The following VAV2 variants were observed in gnomAD, a reference collection of about 807,000 sequenced individuals.
VAV2 encodes guanine nucleotide exchange factor VAV2.
A neutral mutation model predicts 132.5 loss-of-function variants in VAV2; 67 were observed. The observed-to-expected ratio is 0.51, with a 90% CI of 0.42 to 0.62. The LOEUF (loss-of-function observed/expected upper bound fraction) is 0.62, where lower values mean the gene tolerates loss of function less well. VAV2 is among the 20% of genes least tolerant of loss of function. VAV2 has a pLI of 0.00. For missense variants in VAV2, 938 were observed against 1,153.6 expected (o/e 0.81, Z 2.71); for synonymous variants, 492 against 443.5 (o/e 1.11, Z -1.37).
chr9:133,890,813 C>T (rs780532083), intron 2 of VAV2, among the ~76,000 whole-genome samples: 7 of 152,086 alleles, frequency 4.6e-5, no homozygotes, highest in African/African-American at 7.2e-5. Flanking sequence ...ACGCTGGTGA[C>T]GGCAGAGTGA....
intron 18 of VAV2, among the ~76,000 whole-genome samples, chr9:133,783,876 C>CCTTT (rs1564342140): frequency 8.0e-6 from 1 of 124,974 alleles, no homozygotes; most frequent in African/African-American, 3.1e-5. Context: ...TTGGCTGGGC[C>CCTTT]GTTTTTTTTT....
chr9:133,901,658 C>G (rs1010293324), intron 2 of VAV2, among the ~76,000 whole-genome samples: 2 of 152,236 alleles, frequency 1.3e-5, no homozygotes, highest in Non-Finnish European at 1.5e-5. Context: ...GGGGCTCCTG[C>G]CGGCCCGGCC....
chr9:133,845,661 G>A (rs905684141), intron 3 of VAV2, among the ~76,000 whole-genome samples: 1 of 152,216 alleles, frequency 6.6e-6, no homozygotes. Flanking sequence ...CTGTGACAGG[G>A]ACAGCAACCC....
intron 1 of VAV2, among the ~76,000 whole-genome samples, chr9:133,946,276 T>G (rs1331078285): frequency 1.3e-5 from 2 of 152,228 alleles, no homozygotes; most frequent in African/African-American, 4.8e-5. Flanking sequence ...TTCTGGGGCC[T>G]GGCCTCAGGC....
intron 2 of VAV2, among the ~76,000 whole-genome samples, chr9:133,924,969 G>A (rs190490969): frequency 1.0e-3 from 157 of 152,338 alleles, no homozygotes; most frequent in Non-Finnish European, 1.8e-3. Flanking sequence ...CGACGCTAAA[G>A]GCCACATATT....
Position 133,769,290 on chromosome 9 carries a change from G to A in VAV2, c.2434+127C>T. On this transcript the variant is annotated intron_variant, in intron 28 of 29. Transcript: ENST00000371850. The surrounding 1 kb of genome is among the most constrained non-coding windows in gnomAD (Gnocchi z 8.1). ...CCAGCCCCTTTCTCCCCTCCACCCA[G>A]TGCCAGACTGCGGACAACTGTGGCC... 1 of 1,033,530 alleles carries A rather than the reference G, an allele frequency of 9.7e-7. No individual in the cohort carries two copies. Among genetic ancestry groups the A allele is most frequent in the Non-Finnish European group, 1.4e-6 (1 of 718,726 alleles). The allele number at this position is 1,033,530 out of a possible 1,614,324, so 64.0% of individuals were successfully genotyped here. A position where few individuals can be genotyped will look rare whatever the true frequency, so the allele number is the denominator to read the frequency against.
rs1195719340 is a variant in VAV2 at position 133,840,914 on chromosome 9, G to A, written c.381-6574C>T. Among the ~76,000 whole-genome samples, 12 of 152,158 alleles carry A rather than the reference G, an allele frequency of 7.9e-5. No individual in the cohort carries two copies. Among genetic ancestry groups the A allele is most frequent in the African/African-American group, 7.2e-5 (3 of 41,444 alleles). ...GAGGGAGGGGCACATTGGACGCGCA[G>A]GGGTCTCCAAGCTGAGGGTAGCAAG... On this transcript the variant is annotated intron_variant, in intron 3 of 29. Coordinates refer to ENST00000371850, the MANE Select transcript of VAV2 (RefSeq NM_001134398.2). The surrounding 1 kb of genome is among the most constrained non-coding windows in gnomAD (Gnocchi z 4.5).
At chr9:133,814,026 A>G (rs7031085) in intron 4 of VAV2, among the ~76,000 whole-genome samples, 5,666 of 149,000 alleles carry the variant, frequency 0.038, 362 homozygotes, top group African/African-American at 0.13. Flanking sequence ...GCCCTCCACC[A>G]TGAGAGGTCC....
intron 1 of VAV2, among the ~76,000 whole-genome samples, chr9:133,943,672 AG>A (rs1248002637): frequency 1.3e-5 from 2 of 152,144 alleles, no homozygotes; most frequent in African/African-American, 4.8e-5. Context: ...GTGTTTGTTT[AG>A]GGCACTCTGA....
chr9:133,784,748 T>C (rs1370035322), intron 17 of VAV2, among the ~76,000 whole-genome samples: 1 of 152,102 alleles, frequency 6.6e-6, no homozygotes, highest in African/African-American at 2.4e-5. Flanking sequence ...ATACTTAAGA[T>C]TTGTTTGCCT....
chr9:133,861,896 G>A (rs1837610828), intron 2 of VAV2, among the ~76,000 whole-genome samples: 1 of 152,334 alleles, frequency 6.6e-6, no homozygotes, highest in East Asian at 1.9e-4. Context: ...CCTGCCCAAA[G>A]TCACCCAGCA....
At chr9:133,852,041 TGGATGTATGG>T (rs1837207531) in intron 3 of VAV2, among the ~76,000 whole-genome samples, 1 of 151,724 alleles carries the variant, frequency 6.6e-6, no homozygotes, top group African/African-American at 2.4e-5. Flanking sequence ...TATGGATGGA[TGGATGTATGG>T]ATGGATGGAT....
intron 1 of VAV2, among the ~76,000 whole-genome samples, chr9:133,990,186 A>G (rs1842971460): frequency 6.6e-6 from 1 of 151,790 alleles, no homozygotes; most frequent in Non-Finnish European, 1.5e-5. Flanking sequence ...TGGTCCTCCT[A>G]CCATCCAGGC....
At chr9:133,841,510 A>T (rs1243937743) in intron 3 of VAV2, among the ~76,000 whole-genome samples, 1 of 152,088 alleles carries the variant, frequency 6.6e-6, no homozygotes. Flanking sequence ...TAAAGAGTGA[A>T]TCCACCCAGC....
chr9:133,950,913 A>G (rs911838903), intron 1 of VAV2, among the ~76,000 whole-genome samples: 1 of 152,174 alleles, frequency 6.6e-6, no homozygotes, highest in South Asian at 2.1e-4. Context: ...CAATTGGACA[A>G]TCCAACTCCA....
intron 2 of VAV2, among the ~76,000 whole-genome samples, chr9:133,876,766 AG>A (rs983409050): frequency 6.6e-6 from 1 of 152,228 alleles, no homozygotes; most frequent in African/African-American, 2.4e-5. Flanking sequence ...GGACACAGCC[AG>A]AGAGGACACA....
intron 9 of VAV2, among the ~76,000 whole-genome samples, chr9:133,799,391 C>A (rs755565377): frequency 4.9e-4 from 75 of 152,210 alleles, no homozygotes; most frequent in Non-Finnish European, 8.2e-4. Flanking sequence ...TCCTCCCTCA[C>A]AAGCCTGCAG....
rs139618762 is a variant in VAV2 at position 133,940,672 on chromosome 9, C to T, written c.205-1453G>A. ...CCTAGAGTCCCTCTCTGTCCACGTG[C>T]GTGTGTGTGTGTGTGTGTGTGTGTG... On this transcript the variant is annotated intron_variant, in intron 1 of 29. Transcript: ENST00000371850. 3.9e-3 allele frequency among the ~76,000 whole-genome samples: 541 copies of T among 139,334 alleles called. 2 individuals are homozygous for T. The highest frequency in any genetic ancestry group is 5.9e-3 in the Non-Finnish European group (367 of 62,170). 91.4% of individuals were successfully genotyped at this position (139,334 alleles called of 152,430 possible).
chr9:133,945,118 C>T (rs1020267499), intron 1 of VAV2, among the ~76,000 whole-genome samples: 1 of 152,254 alleles, frequency 6.6e-6, no homozygotes, highest in Non-Finnish European at 1.5e-5. Context: ...CCCAAGGTCA[C>T]TAGCAAGGAT....
Sources: allele counts gnomAD v4.1 joint callset (sites outside exome capture counted in the v4.1 genomes callset), GRCh38; gene constraint gnomAD v4.1.1; non-coding constraint Gnocchi (gnomAD v3.1); transcripts MANE v1.5; gene names NCBI Gene and HGNC (gene_info 2026-07-23, HGNC 2026-07-21).